The following CSMD1 variants were observed in gnomAD, a reference collection of about 807,000 sequenced individuals.
The protein encoded by CSMD1 is CUB and Sushi multiple domains 1, also known as CUB and sushi domain-containing protein 1.
A neutral mutation model predicts 417.5 loss-of-function variants in CSMD1; 213 were observed. The observed-to-expected ratio is 0.51, with a 90% confidence interval of 0.46 to 0.57. CSMD1 has a LOEUF of 0.57. Among genes scored for constraint, CSMD1 ranks in the 20% least tolerant of loss-of-function variants. The pLI is 0.00. For missense variants in CSMD1, 6,923 were observed against 4,529.7 expected (o/e 1.53, Z -15.17); for synonymous variants, 2,862 against 1,736.8 (o/e 1.65, Z -16.11).
chr8:3,098,736 T>G (rs548291967), intron 46 of CSMD1, among the ~76,000 whole-genome samples: 1 of 152,150 alleles, frequency 6.6e-6, no homozygotes, highest in East Asian at 1.9e-4. Flanking sequence ...CGTGCCTGTG[T>G]ATATCTGTGC....
At chr8:3,514,532 T>C (rs1797208022) in intron 10 of CSMD1, among the ~76,000 whole-genome samples, 1 of 152,230 alleles carries the variant, frequency 6.6e-6, no homozygotes, top group African/African-American at 2.4e-5. Flanking sequence ...TTAAAAGTAA[T>C]GTTTCACAAA....
intron 2 of CSMD1, among the ~76,000 whole-genome samples, chr8:4,614,882 AT>A (rs1181640084): frequency 1.3e-5 from 2 of 152,198 alleles, no homozygotes; most frequent in Admixed American, 1.3e-4. Context: ...TATTATTAAT[AT>A]TTTCTCTAGA....
At chr8:4,836,991 G>T (rs566186362) in intron 1 of CSMD1, among the ~76,000 whole-genome samples, 1 of 151,460 alleles carries the variant, frequency 6.6e-6, no homozygotes, top group African/African-American at 2.4e-5. Flanking sequence ...TTGTTGTTAA[G>T]AGACCACCCA....
At chr8:4,159,903 C>G (rs969941549) in intron 3 of CSMD1, among the ~76,000 whole-genome samples, 1 of 151,506 alleles carries the variant, frequency 6.6e-6, no homozygotes, top group Non-Finnish European at 1.5e-5. Flanking sequence ...GATGCAAAGG[C>G]TTAAGAATGA....
At chr8:3,836,212 C>T (rs191148964) in intron 5 of CSMD1, among the ~76,000 whole-genome samples, 20 of 152,098 alleles carry the variant, frequency 1.3e-4, no homozygotes, top group South Asian at 1.0e-3. Flanking sequence ...ATCATGTCAT[C>T]GGACATTCTT....
chr8:4,363,766 A>T (rs1205690440), intron 3 of CSMD1, among the ~76,000 whole-genome samples: 1 of 152,214 alleles, frequency 6.6e-6, no homozygotes, highest in African/African-American at 2.4e-5. Context: ...TTCATGGCTG[A>T]ATAGTACTCC....
intron 9 of CSMD1, among the ~76,000 whole-genome samples, chr8:3,579,019 G>C (rs561724710): frequency 6.6e-6 from 1 of 152,286 alleles, no homozygotes; most frequent in African/African-American, 2.4e-5. Flanking sequence ...ACATCTAATA[G>C]AGAGTAAAAT....
intron 3 of CSMD1, among the ~76,000 whole-genome samples, chr8:4,282,153 C>A (rs115822228): frequency 6.6e-6 from 1 of 152,140 alleles, no homozygotes; most frequent in East Asian, 1.9e-4. Flanking sequence ...TGCTCAAATA[C>A]GATTTCAAAA....
At chr8:4,050,913 C>T (rs543978086) in intron 3 of CSMD1, among the ~76,000 whole-genome samples, 2 of 152,192 alleles carry the variant, frequency 1.3e-5, no homozygotes, top group South Asian at 4.2e-4. Flanking sequence ...TTACGTGAGT[C>T]TTGAAGTGAC....
chr8:4,459,687 G>A (rs564671247), intron 2 of CSMD1, among the ~76,000 whole-genome samples: 1 of 152,268 alleles, frequency 6.6e-6, no homozygotes, highest in African/African-American at 2.4e-5. Context: ...GTGGACATAA[G>A]AATATGGAGC....
At chr8:3,743,613 T>A (rs992934085) in intron 6 of CSMD1, among the ~76,000 whole-genome samples, 5 of 152,156 alleles carry the variant, frequency 3.3e-5, no homozygotes, top group Non-Finnish European at 7.3e-5. Flanking sequence ...GAACTAGGTC[T>A]CGAAAACCTT....
chr8:3,385,038 T>A (rs1215339813), intron 18 of CSMD1, among the ~76,000 whole-genome samples: 1 of 118,528 alleles, frequency 8.4e-6, no homozygotes, highest in Non-Finnish European at 1.6e-5. Context: ...ATAATATATA[T>A]AATATATAAA....
At chr8:4,499,460 G>C (rs1802143424) in intron 2 of CSMD1, among the ~76,000 whole-genome samples, 4 of 152,204 alleles carry the variant, frequency 2.6e-5, no homozygotes, top group Admixed American at 2.6e-4. Flanking sequence ...CACAAAGAGT[G>C]ATTCTGAAGG....
chr8:3,280,215 A>C (rs1334398597), intron 26 of CSMD1, among the ~76,000 whole-genome samples: 1 of 152,202 alleles, frequency 6.6e-6, no homozygotes, highest in Non-Finnish European at 1.5e-5. Flanking sequence ...AGGAAGAGAA[A>C]GTAGTAGATT....
At chr8:4,181,129 C>A (rs966575985) in intron 3 of CSMD1, among the ~76,000 whole-genome samples, 2 of 152,040 alleles carry the variant, frequency 1.3e-5, no homozygotes, top group African/African-American at 2.4e-5. Flanking sequence ...CCAAGTGCTG[C>A]GAAACAGCCA....
intron 39 of CSMD1, among the ~76,000 whole-genome samples, chr8:3,153,198 C>G (rs1819308915): frequency 1.3e-5 from 2 of 152,168 alleles, no homozygotes; most frequent in Non-Finnish European, 2.9e-5. Flanking sequence ...TGCTACACTC[C>G]CACCAGCACC....
chr8:4,065,260 A>G (rs530618938), intron 3 of CSMD1, among the ~76,000 whole-genome samples: 60 of 152,348 alleles, frequency 3.9e-4, no homozygotes, highest in African/African-American at 1.4e-3. Flanking sequence ...ACATTTCAAG[A>G]ACCACTGACT....
chr8:3,586,351 G>C, intron 8 of CSMD1, 91 bp from the exon 9 acceptor site: 2 of 1,274,536 alleles, frequency 1.6e-6, no homozygotes, highest in Non-Finnish European at 2.1e-6. Flanking sequence ...TGGCTGCTAC[G>C]ATCTTGTTCA....
intron 36 of CSMD1, among the ~76,000 whole-genome samples, chr8:3,187,454 G>T (rs912826776): frequency 6.6e-6 from 1 of 152,142 alleles, no homozygotes; most frequent in Non-Finnish European, 1.5e-5. Flanking sequence ...CTACATATGA[G>T]TAGGGTAGAA....
Sources: gnomAD v4.1 joint callset for allele counts (sites outside exome capture counted in the v4.1 genomes callset) on GRCh38, gnomAD v4.1.1 for gene constraint, MANE v1.5 for transcripts, NCBI Gene and HGNC (gene_info 2026-07-23, HGNC 2026-07-21) for gene names.